The following INIP variants were observed in gnomAD, a reference collection of about 807,000 sequenced individuals.
INIP encodes SOSS complex subunit C.
Under a neutral mutation model 14.0 loss-of-function variants are expected in INIP, and 9 were observed. That is an observed-to-expected ratio of 0.64 (90% confidence interval 0.39 to 1.12). The LOEUF (loss-of-function observed/expected upper bound fraction) is 1.12. Among genes scored for constraint, INIP ranks in the 50% most tolerant of loss-of-function variants. INIP has a pLI of 0.01. For synonymous variants in INIP, 37 were observed against 41.5 expected (o/e 0.89, Z 0.41); for missense variants, 78 against 122.7 (o/e 0.64, Z 1.72).
chr9:112,687,649 A>G lies in INIP; in HGVS notation c.220-16T>C, dbSNP rs1474608361. On this transcript the variant is annotated splice_polypyrimidine_tract_variant and intron_variant, in intron 4 of 4. Transcript: ENST00000374242. ...CATGAGCATGCTGGGAAAGATTAAA[A>G]ACAAAAAGGCAATTAAGCTATTAAA... 6.9e-7 allele frequency: 1 copy of G among 1,441,464 alleles called. No homozygotes were observed. Among genetic ancestry groups the G allele is most frequent in the East Asian group, 2.3e-5 (1 of 42,684 alleles). The allele number at this position is 1,441,464 out of a possible 1,614,324, so 89.3% of individuals were successfully genotyped here.
rs1564214461 is a variant in INIP, at chr9:112,684,828, A to ATATT, written c.*2706_*2709dup. The ATATT allele has an allele frequency of 6.6e-6, 1 of 152,178 alleles. No homozygotes were observed. Among genetic ancestry groups the ATATT allele is most frequent in the Non-Finnish European group, 1.5e-5 (1 of 68,028 alleles). The allele number at this position is 152,178 out of a possible 1,614,324, so 9.4% of individuals were successfully genotyped here. ...CTTATGGAGGGAGGAACATACAAAG[A>ATATT]TATTAACTGAGTTCCTCAAATTCAC... On this transcript the variant is annotated 3_prime_UTR_variant, in exon 5 of 5. Coordinates refer to ENST00000374242, the MANE Select transcript of INIP (RefSeq NM_021218.3).
At chr9:112,701,654 G>A (rs1006082570) in intron 2 of INIP, 5 of 152,140 alleles carry the variant, frequency 3.3e-5, no homozygotes, top group Admixed American at 1.3e-4. Flanking sequence ...AATTGCACAT[G>A]CTTATTGTCA....
rs554274532 is a variant in INIP at position 112,690,185 on chromosome 9, C to A, written c.129-568G>T. ...AGAGTGTTAGGCAGCAGGGGAGTGA[C>A]ATGATCAGAAGTATAACCCTCTTGG... On this transcript the variant is annotated intron_variant, in intron 3 of 4. Coordinates refer to ENST00000374242, the MANE Select transcript of INIP (RefSeq NM_021218.3). 4.6e-5 allele frequency among the ~76,000 whole-genome samples: 7 copies of A among 152,252 alleles called. No homozygotes were observed. The South Asian group carries it at 1.5e-3, about 32-fold the overall frequency.
intron 2 of INIP, among the ~76,000 whole-genome samples, 199 bp downstream of exon 2, chr9:112,716,262 G>C (rs1041221272): frequency 1.3e-5 from 2 of 151,958 alleles, no homozygotes; most frequent in Admixed American, 6.6e-5. Context: ...AGTAGAGACG[G>C]GGTTCCTGAC....
chr9:112,687,322 G>T lies in INIP; in HGVS notation c.*216C>A. ...AGCATTACAAAAAAGTTACAGTCACGGTACATAATCAATTCCTTGGACGAT... is the reference window on the plus strand; with the variant it reads ...AGCATTACAAAAAAGTTACAGTCACTGTACATAATCAATTCCTTGGACGAT... On this transcript the variant is annotated 3_prime_UTR_variant, in exon 5 of 5. Coordinates refer to ENST00000374242, the MANE Select transcript of INIP (RefSeq NM_021218.3). The T allele has an allele frequency of 4.7e-6, 2 of 421,674 alleles. No homozygotes were observed. Among genetic ancestry groups the T allele is most frequent in the South Asian group, 4.4e-5 (1 of 22,930 alleles). 26.1% of individuals were successfully genotyped at this position (421,674 alleles called of 1,614,324 possible). A position where few individuals can be genotyped will look rare whatever the true frequency, so the allele number is the denominator to read the frequency against.
rs377334816 is a variant in INIP, at chr9:112,694,073, TCAAAA to T, written c.128+53_128+57del. 3,332 of 1,222,866 alleles carry T rather than the reference TCAAAA, an allele frequency of 2.7e-3. 56 individuals carry two copies. In the African/African-American group the frequency reaches 0.038, roughly 14 times the overall value. 75.8% of individuals were successfully genotyped at this position (1,222,866 alleles called of 1,614,324 possible). A position where few individuals can be genotyped will look rare whatever the true frequency, so the allele number is the denominator to read the frequency against. On this transcript the variant is annotated intron_variant, in intron 3 of 4. Transcript: ENST00000374242. ...CTGGGGGACAGGGCGAGACTCCGTC[TCAAAA>T]CAAAACAAAACAAAACAAAACAAAC...
chr9:112,711,837 C>G (rs181269695), intron 2 of INIP, among the ~76,000 whole-genome samples: 7 of 152,278 alleles, frequency 4.6e-5, no homozygotes, highest in Admixed American at 3.3e-4. Context: ...TTTAGTTTGT[C>G]CTAAATATAA....
At chr9:112,701,179 G>A (rs1401013309) in intron 2 of INIP, among the ~76,000 whole-genome samples, 2 of 152,078 alleles carry the variant, frequency 1.3e-5, no homozygotes, top group Non-Finnish European at 2.9e-5. Flanking sequence ...GTGGTGGCAG[G>A]CACCTGTAAT....
chr9:112,705,331 C>T (rs1196697950), intron 2 of INIP, among the ~76,000 whole-genome samples: 1 of 151,790 alleles, frequency 6.6e-6, no homozygotes, highest in African/African-American at 2.4e-5. Context: ...TTTTTTGAGA[C>T]AAGGTCTCGC....
chr9:112,696,631 C>T (rs1163732397), intron 2 of INIP, among the ~76,000 whole-genome samples: 2 of 152,148 alleles, frequency 1.3e-5, no homozygotes, highest in East Asian at 3.9e-4. Flanking sequence ...ACTTCAGACG[C>T]CAATGGCAAG....
intron 4 of INIP, among the ~76,000 whole-genome samples, chr9:112,689,045 A>G (rs1389979221): frequency 2.6e-5 from 4 of 152,202 alleles, no homozygotes; most frequent in Middle Eastern, 6.8e-3. Flanking sequence ...ATTTTTTTTA[A>G]CTGACGAAGC....
chr9:112,706,690 A>C (rs993732998), intron 2 of INIP, among the ~76,000 whole-genome samples: 3 of 152,176 alleles, frequency 2.0e-5, no homozygotes, highest in Admixed American at 6.5e-5. Flanking sequence ...TCCTGATATA[A>C]TTCAATGCAT....
intron 2 of INIP, among the ~76,000 whole-genome samples, chr9:112,696,865 G>A (rs1337606255): frequency 1.3e-5 from 2 of 152,224 alleles, no homozygotes; most frequent in South Asian, 2.1e-4. Context: ...GGGACATGGA[G>A]CTTTAACACT....
chr9:112,693,362 C>G (rs1837960686), intron 3 of INIP, among the ~76,000 whole-genome samples: 1 of 152,202 alleles, frequency 6.6e-6, no homozygotes, highest in Non-Finnish European at 1.5e-5. Flanking sequence ...ACTCTAGACT[C>G]TTAGCCTAGG....
intron 2 of INIP, among the ~76,000 whole-genome samples, chr9:112,715,436 A>AT (rs1308311773): frequency 1.3e-5 from 2 of 152,150 alleles, no homozygotes; most frequent in Non-Finnish European, 2.9e-5. Flanking sequence ...AAACTTTTAA[A>AT]TTTTTTTAAC....
In INIP at chr9:112,689,603, C is replaced by G. The variant is rs955410476; in HGVS notation, c.143G>C (p.Arg48Thr). The change falls in exon 4 of 5, where the codon AGA becomes ACA. Residue 48 changes from arginine (R) to threonine (T), a missense_variant. Arg to Thr is a moderately conservative substitution (Grantham distance 71). Coordinates refer to ENST00000374242, the MANE Select transcript of INIP (RefSeq NM_021218.3). ...NHPGASIALS[R>T]PSLNKDFRDH... ...CCGGAAGTCCTTATTAAGAGAGGGT[C>G]TCGAGAGTGCAATGCTAAAATGGGA... The G allele has an allele frequency of 6.2e-7, 1 of 1,613,870 alleles. No individual in the cohort carries two copies. Among genetic ancestry groups the G allele is most frequent in the African/African-American group, 1.3e-5 (1 of 74,930 alleles).
rs1389596768 is a variant in INIP at position 112,716,794 on chromosome 9, T to TA, written c.-56-254dup. Among the ~76,000 whole-genome samples the TA allele has an allele frequency of 4.0e-3, 577 of 144,560 alleles. 6 individuals carry two copies. Among genetic ancestry groups the TA allele is most frequent in the African/African-American group, 0.013 (513 of 39,444 alleles). 94.8% of individuals were successfully genotyped at this position (144,560 alleles called of 152,430 possible). A position where few individuals can be genotyped will look rare whatever the true frequency, so the allele number is the denominator to read the frequency against. Reference sequence around the variant, plus strand: ...ACCCAGTCTCTACTAAAAATAAAATTAAAAAAAAAAATCAGCCGGGTGTGG... The same window carrying TA: ...ACCCAGTCTCTACTAAAAATAAAATTAAAAAAAAAAAATCAGCCGGGTGTGG... On this transcript the variant is annotated intron_variant, in intron 1 of 4. Transcript: ENST00000374242.
intron 2 of INIP, among the ~76,000 whole-genome samples, chr9:112,706,399 C>T (rs139488417): frequency 7.6e-4 from 116 of 152,154 alleles, no homozygotes; most frequent in Non-Finnish European, 1.3e-3. Flanking sequence ...TAGGTGTGCA[C>T]TAGCACACCT....
chr9:112,713,021 G>A lies in INIP; in HGVS notation c.25+3440C>T, dbSNP rs536246582. On this transcript the variant is annotated intron_variant, in intron 2 of 4. Coordinates refer to ENST00000374242, the MANE Select transcript of INIP (RefSeq NM_021218.3). ...ACACCACCATTAAGAACACGAAAAGGCAAGCGAGACTGGGAGGAAATACGT... is the reference window on the plus strand; with the variant it reads ...ACACCACCATTAAGAACACGAAAAGACAAGCGAGACTGGGAGGAAATACGT... 4.6e-5 allele frequency among the ~76,000 whole-genome samples: 7 copies of A among 152,316 alleles called. No individual in the cohort carries two copies. In the South Asian group the frequency reaches 1.5e-3, roughly 32 times the overall value.
Sources: allele counts gnomAD v4.1 joint callset (sites outside exome capture counted in the v4.1 genomes callset), GRCh38; gene constraint gnomAD v4.1.1; transcripts MANE v1.5; gene names NCBI Gene and HGNC (gene_info 2026-07-23, HGNC 2026-07-21).